The following KLF8 variants were observed in gnomAD, a reference collection of about 807,000 sequenced individuals.
KLF8 encodes KLF transcription factor 8.
A neutral mutation model predicts 18.2 loss-of-function variants in KLF8; 10 were observed. The ratio of observed to expected loss-of-function variants is 0.55; its 90% confidence interval spans 0.34 to 0.93. KLF8 has a LOEUF of 0.93. Among genes scored for constraint, KLF8 ranks in the 40% least tolerant of loss-of-function variants. The pLI is 0.02. For synonymous variants in KLF8, 109 were observed against 97.3 expected (o/e 1.12, Z -0.71); for missense variants, 264 against 277.9 (o/e 0.95, Z 0.36).
chrX:56,071,364 T>C, the KLF8 span, among the ~76,000 whole-genome samples: 6 of 111,749 alleles, frequency 5.4e-5, no homozygotes, highest in African/African-American at 1.9e-4. Flanking sequence ...CTCTTTTATT[T>C]TCTTTAAGTG....
chrX:56,063,449 G>A, the KLF8 span, among the ~76,000 whole-genome samples: 1 of 111,665 alleles, frequency 9.0e-6, no homozygotes, highest in Non-Finnish European at 1.9e-5. Context: ...GAGTTTGCTG[G>A]AGGTCCACTC....
At chrX:55,923,704 ACGTGTGTGTGTGTG>A in the KLF8 span, among the ~76,000 whole-genome samples, 1 of 63,864 alleles carries the variant, frequency 1.6e-5, no homozygotes, top group African/African-American at 6.9e-5. Context: ...TTAAAGATCC[ACGTGTGTGTGTGTG>A]TGTGTGTGTG....
chrX:56,029,239 G>A, the KLF8 span, among the ~76,000 whole-genome samples: 5 of 110,631 alleles, frequency 4.5e-5, no homozygotes, highest in African/African-American at 1.3e-4. Context: ...TTCTTCTCAG[G>A]GGACCATAAG....
chrX:56,058,217 CGTGT>C, the KLF8 span, among the ~76,000 whole-genome samples: 2 of 42,314 alleles, frequency 4.7e-5, no homozygotes, highest in Admixed American at 3.0e-4. Context: ...CATATATATA[CGTGT>C]ATATATATAT....
the KLF8 span, among the ~76,000 whole-genome samples, chrX:56,216,842 A>C: frequency 9.0e-6 from 1 of 110,875 alleles, no homozygotes; most frequent in East Asian, 2.8e-4. Context: ...GACTTTGCTT[A>C]TGAGGTTCCA....
the KLF8 span, among the ~76,000 whole-genome samples, chrX:56,025,146 C>G: frequency 1.8e-5 from 2 of 112,593 alleles, no homozygotes; most frequent in South Asian, 7.4e-4. Context: ...ATTTTAAAGA[C>G]TGTGCTACAT....
At chrX:56,136,915 A>G in the KLF8 span, among the ~76,000 whole-genome samples, 3 of 111,866 alleles carry the variant, frequency 2.7e-5, no homozygotes, top group Admixed American at 1.9e-4. Flanking sequence ...CAAGAAAAAA[A>G]CAAACAACCC....
At chrX:55,934,399 G>A in the KLF8 span, among the ~76,000 whole-genome samples, 2 of 112,024 alleles carry the variant, frequency 1.8e-5, no homozygotes, top group Non-Finnish European at 3.8e-5. Flanking sequence ...AAGATCTCAA[G>A]GATTTACAGC....
chrX:56,006,027 C>T, the KLF8 span, among the ~76,000 whole-genome samples: 1 of 112,444 alleles, frequency 8.9e-6, no homozygotes. Flanking sequence ...TTACACTGGC[C>T]CCATCTTACA....
the KLF8 span, among the ~76,000 whole-genome samples, chrX:56,007,952 AAGAAAAAAAATGTG>A: frequency 4.5e-5 from 5 of 110,841 alleles, no homozygotes; most frequent in South Asian, 1.9e-3. Context: ...TTAAAAGTTG[AAGAAAAAAAATGTG>A]ATTTTTTTAT....
At chrX:56,261,689 T>A (rs764461448) in intron 2 of KLF8, among the ~76,000 whole-genome samples, 1 of 111,012 alleles carries the variant, frequency 9.0e-6, no homozygotes, top group Non-Finnish European at 1.9e-5. Context: ...GCAAATAGGG[T>A]GTTGGGGTTT....
chrX:55,976,815 G>A, the KLF8 span, among the ~76,000 whole-genome samples: 1 of 111,124 alleles, frequency 9.0e-6, no homozygotes. Context: ...TTTCATCAGT[G>A]TTTCATAGTT....
chrX:55,969,069 G>T, the KLF8 span, among the ~76,000 whole-genome samples: 3 of 111,465 alleles, frequency 2.7e-5, no homozygotes, highest in African/African-American at 9.8e-5. Context: ...ATTAACAAAG[G>T]AACATTGGAC....
At chrX:56,223,842 A>G in the KLF8 span, among the ~76,000 whole-genome samples, 5 of 112,663 alleles carry the variant, frequency 4.4e-5, no homozygotes, top group Non-Finnish European at 9.4e-5. Flanking sequence ...AGAAAAGCAC[A>G]AGCTATTTCT....
chrX:55,996,477 C>T, the KLF8 span, among the ~76,000 whole-genome samples: 3 of 112,017 alleles, frequency 2.7e-5, no homozygotes, highest in East Asian at 5.6e-4. Context: ...AGTTCTTTCT[C>T]ATCTGTGTGG....
At chrX:56,104,109 T>C in the KLF8 span, among the ~76,000 whole-genome samples, 1 of 111,883 alleles carries the variant, frequency 8.9e-6, no homozygotes, top group South Asian at 3.8e-4. Flanking sequence ...CTGGATTCAG[T>C]TTGCCAGTAT....
chrX:55,958,372 A>C, the KLF8 span, among the ~76,000 whole-genome samples: 1 of 112,182 alleles, frequency 8.9e-6, no homozygotes, highest in Non-Finnish European at 1.9e-5. Flanking sequence ...CTGTTGCAGC[A>C]TCAACCAAGG....
the KLF8 span, among the ~76,000 whole-genome samples, chrX:56,121,466 C>A: frequency 1.1e-4 from 12 of 112,275 alleles, no homozygotes; most frequent in Admixed American, 1.1e-3. Context: ...GGACTTATAT[C>A]CTGACTCCTT....
intron 2 of KLF8, among the ~76,000 whole-genome samples, chrX:56,250,606 A>G (rs1202633358): frequency 8.9e-6 from 1 of 112,091 alleles, no homozygotes; most frequent in African/African-American, 3.2e-5. Context: ...TAGGATGAAG[A>G]TTAAATGCAT....
Sources: allele counts gnomAD v4.1 joint callset (sites outside exome capture counted in the v4.1 genomes callset), GRCh38; gene constraint gnomAD v4.1.1; transcripts MANE v1.5; gene names NCBI Gene and HGNC (gene_info 2026-07-23, HGNC 2026-07-21).